Variants in GDAP2 observed in about 807,000 individuals in gnomAD.
GDAP2 encodes ganglioside induced differentiation associated protein 2.
In GDAP2, 51 loss-of-function variants were observed where a neutral mutation model predicts 67.0. That is an observed-to-expected ratio of 0.76 (90% CI 0.61 to 0.96). The LOEUF is 0.96. GDAP2 is among the 40% of genes least tolerant of loss of function. The probability of loss-of-function intolerance (pLI) is 0.00; values close to 1 mark genes in which losing one functional copy is unlikely to be tolerated. For synonymous variants in GDAP2, 203 were observed against 207.3 expected (o/e 0.98, Z 0.18); for missense variants, 547 against 588.3 (o/e 0.93, Z 0.73).
chr1:117,886,638 CCA>C lies in GDAP2; in HGVS notation c.1044_1045del (p.Cys348TrpfsTer66). On this transcript the variant is annotated frameshift_variant, in exon 10 of 14. Coordinates refer to ENST00000369443, the MANE Select transcript of GDAP2 (RefSeq NM_017686.4). LOFTEE classifies it high-confidence loss of function. ...TCCAACTACCACCATCACTGTTCGA[CCA>C]CAGTTATCAACACCTATAAACAGGA... 3 of 1,574,138 alleles carry C rather than the reference CCA, an allele frequency of 1.9e-6. No individual in the cohort carries two copies. Among genetic ancestry groups the C allele is most frequent in the Non-Finnish European group, 2.6e-6 (3 of 1,143,872 alleles).
In GDAP2 at chr1:117,868,237, C is replaced by T. The variant is rs1458470153; in HGVS notation, c.*2332G>A. On this transcript the variant is annotated 3_prime_UTR_variant, in exon 14 of 14. Transcript: ENST00000369443. Reference sequence around the variant, plus strand: ...TTTGGTACTTTGAAGCAACTTCATTCTATAACACTTTAGACATCTATAAAA... The same window carrying T: ...TTTGGTACTTTGAAGCAACTTCATTTTATAACACTTTAGACATCTATAAAA... 1 of 152,190 alleles carries T rather than the reference C, an allele frequency of 6.6e-6. No homozygotes were observed. Among genetic ancestry groups the T allele is most frequent in the African/African-American group, 2.4e-5 (1 of 41,444 alleles). The allele number at this position is 152,190 out of a possible 1,614,324, so 9.4% of individuals were successfully genotyped here.
chr1:117,884,157 A>T (rs1648767462), intron 10 of GDAP2, among the ~76,000 whole-genome samples: 1 of 152,260 alleles, frequency 6.6e-6, no homozygotes, highest in African/African-American at 2.4e-5. Flanking sequence ...TTGAGAGCTA[A>T]TTTTTTTAGA....
At chr1:117,923,857 T>A (rs538673378) in intron 1 of GDAP2, among the ~76,000 whole-genome samples, 1 of 152,372 alleles carries the variant, frequency 6.6e-6, no homozygotes, top group South Asian at 2.1e-4. Flanking sequence ...AGTTTAATAT[T>A]AGCCATTTAA....
intron 5 of GDAP2, among the ~76,000 whole-genome samples, chr1:117,908,504 T>A (rs892114022): frequency 6.6e-6 from 1 of 152,162 alleles, no homozygotes; most frequent in Non-Finnish European, 1.5e-5. Context: ...TCTGCTTTAA[T>A]GCTTTTTCAA....
At position 117,913,009 on chromosome 1, in the gene GDAP2, T is replaced by C. The variant is rs1395394418; in HGVS notation, c.317-326A>G. Among the ~76,000 whole-genome samples, 3 of 152,170 alleles carry C rather than the reference T, an allele frequency of 2.0e-5. No individual in the cohort carries two copies. The East Asian group carries it at 5.8e-4, about 29-fold the overall frequency. On this transcript the variant is annotated intron_variant, in intron 3 of 13. Coordinates refer to ENST00000369443, the MANE Select transcript of GDAP2 (RefSeq NM_017686.4). ...AACCTAATTGCTTGCAGAAATGAGA[T>C]AACTAATACGAAGCAAGTTGATCTG...
At chr1:117,892,155 T>C (rs867479088) in intron 8 of GDAP2, among the ~76,000 whole-genome samples, 1 of 152,144 alleles carries the variant, frequency 6.6e-6, no homozygotes. Context: ...AGGTTTCTTC[T>C]TTATTCTAAT....
rs1648032289 is a variant in GDAP2, at chr1:117,865,651, A to G, written c.*4918T>C. On this transcript the variant is annotated 3_prime_UTR_variant, in exon 14 of 14. Transcript: ENST00000369443. The stretch of plus-strand genomic sequence containing the variant: ...AATGTATTAGCTTTACTGTCCAACA[A>G]AAGTATCAGATCACATTCTGCAGTT... 6.6e-6 allele frequency: 1 copy of G among 152,208 alleles called. No individual in the cohort carries two copies. Among genetic ancestry groups the G allele is most frequent in the African/African-American group, 2.4e-5 (1 of 41,452 alleles). The allele number at this position is 152,208 out of a possible 1,614,324, so 9.4% of individuals were successfully genotyped here.
rs774682813 is a variant in GDAP2, at chr1:117,870,306, T to G, written c.*263A>C. On this transcript the variant is annotated 3_prime_UTR_variant, in exon 14 of 14. Transcript: ENST00000369443. ...GAAACTAAAGATACTCAAAAGTTGCTCCCCAATTTCTATTAACAATCTAAA... is the reference window on the plus strand; with the variant it reads ...GAAACTAAAGATACTCAAAAGTTGCGCCCCAATTTCTATTAACAATCTAAA... The G allele has an allele frequency of 1.1e-5, 5 of 459,770 alleles. No individual in the cohort carries two copies. The highest frequency in any genetic ancestry group is 1.9e-5 in the Non-Finnish European group (5 of 260,800). 28.5% of individuals were successfully genotyped at this position (459,770 alleles called of 1,614,324 possible).
intron 5 of GDAP2, among the ~76,000 whole-genome samples, chr1:117,907,817 C>G (rs1649710514): frequency 6.6e-6 from 1 of 151,984 alleles, no homozygotes; most frequent in Non-Finnish European, 1.5e-5. Flanking sequence ...CTCATGTTAC[C>G]CGAGTTATCT....
At chr1:117,925,778 G>C (rs1650421905) in intron 1 of GDAP2, among the ~76,000 whole-genome samples, 2 of 152,130 alleles carry the variant, frequency 1.3e-5, no homozygotes, top group Non-Finnish European at 2.9e-5. Context: ...ATTCTCCTAA[G>C]ATTATTGTGA....
At chr1:117,891,422 T>C (rs975547865) in intron 8 of GDAP2, among the ~76,000 whole-genome samples, 9 of 152,052 alleles carry the variant, frequency 5.9e-5, no homozygotes, top group African/African-American at 2.2e-4. Context: ...TGAATCCCTG[T>C]CCTCACCAAC....
intron 5 of GDAP2, among the ~76,000 whole-genome samples, chr1:117,909,114 T>C (rs923229553): frequency 6.6e-6 from 1 of 152,198 alleles, no homozygotes; most frequent in Admixed American, 6.5e-5. Flanking sequence ...CTGTGCACTA[T>C]ACTCTGCAAC....
chr1:117,916,232 A>G (rs1284446398), intron 3 of GDAP2, among the ~76,000 whole-genome samples: 1 of 152,226 alleles, frequency 6.6e-6, no homozygotes, highest in Non-Finnish European at 1.5e-5. Flanking sequence ...TTTCAGGAAG[A>G]GATACAAGCC....
chr1:117,895,918 T>C (rs1047645737), intron 8 of GDAP2, among the ~76,000 whole-genome samples: 2 of 152,060 alleles, frequency 1.3e-5, no homozygotes, highest in Non-Finnish European at 2.9e-5. Context: ...GTACAGGGTA[T>C]GAAAAAAGCA....
chr1:117,877,531 A>G (rs1275199055), intron 13 of GDAP2: 3 of 974,542 alleles, frequency 3.1e-6, no homozygotes, highest in African/African-American at 3.5e-5. Flanking sequence ...TAACAACAAT[A>G]ATATTATCAG....
chr1:117,877,681 G>T, intron 13 of GDAP2: 2 of 1,031,744 alleles, frequency 1.9e-6, no homozygotes, highest in African/African-American at 1.7e-5. Flanking sequence ...TGTGTAGATG[G>T]AAAGCCATTC....
chr1:117,894,727 G>A (rs1649209399), intron 8 of GDAP2, among the ~76,000 whole-genome samples: 1 of 152,072 alleles, frequency 6.6e-6, no homozygotes. Flanking sequence ...CTGGCAAACT[G>A]TAGTTATTCA....
At chr1:117,922,875 C>T (rs780919919) in intron 1 of GDAP2, among the ~76,000 whole-genome samples, 1 of 152,200 alleles carries the variant, frequency 6.6e-6, no homozygotes, top group Non-Finnish European at 1.5e-5. Flanking sequence ...TCCTAGCAAG[C>T]CTGGGGGCGT....
chr1:117,896,105 A>C (rs2101135701), intron 8 of GDAP2, among the ~76,000 whole-genome samples: 1 of 152,326 alleles, frequency 6.6e-6, no homozygotes, highest in African/African-American at 2.4e-5. Context: ...CAATTTTAAG[A>C]GCTTGACAAG....
Sources: gnomAD v4.1 joint callset for allele counts (sites outside exome capture counted in the v4.1 genomes callset) on GRCh38, gnomAD v4.1.1 for gene constraint, MANE v1.5 for transcripts, NCBI Gene and HGNC (gene_info 2026-07-23, HGNC 2026-07-21) for gene names.